Variants in NCOA7 observed in about 807,000 individuals in gnomAD.
NCOA7 encodes 140 kDa estrogen receptor-associated protein.
NCOA7 carries 45 observed loss-of-function variants against 104.3 expected under a neutral mutation model. The observed-to-expected ratio is 0.43, with a 90% CI of 0.34 to 0.55. NCOA7 has a LOEUF of 0.55. Ranked by LOEUF, NCOA7 falls within the 20% of genes least tolerant of loss-of-function variation. The pLI, the probability that NCOA7 is intolerant of heterozygous loss-of-function variation, is 0.02. For synonymous variants in NCOA7, 398 were observed against 402.3 expected (o/e 0.99, Z 0.13); for missense variants, 1,041 against 1,119.7 (o/e 0.93, Z 1.00).
At position 125,889,393 on chromosome 6, in the gene NCOA7, C is replaced by A; in HGVS notation, c.1339C>A (p.Arg447=). Residue 447 remains arginine, a synonymous_variant, in exon 9 of 16, where the codon CGA becomes AGA. Transcript: ENST00000392477. ...GTGCCTTTCTCTTGACCCAGAGGAACGAAAGAAAGCTGAGTCACAAATAAA... is the reference window on the plus strand; with the variant it reads ...GTGCCTTTCTCTTGACCCAGAGGAAAGAAAGAAAGCTGAGTCACAAATAAA... ...KECLSLDPEE[R]KKAESQINNS... 1 of 1,613,644 alleles carries A rather than the reference C, an allele frequency of 6.2e-7. No homozygotes were observed. Among genetic ancestry groups the A allele is most frequent in the African/African-American group, 1.3e-5 (1 of 74,930 alleles).
intron 10 of NCOA7, among the ~76,000 whole-genome samples, chr6:125,902,123 G>A (rs970456587): frequency 3.9e-5 from 6 of 152,062 alleles, no homozygotes; most frequent in Non-Finnish European, 5.9e-5. Flanking sequence ...GGGGAAAAAC[G>A]GGGATGTGAA....
intron 2 of NCOA7, among the ~76,000 whole-genome samples, chr6:125,840,867 G>GTT (rs1305583308): frequency 5.9e-5 from 3 of 50,678 alleles, no homozygotes; most frequent in East Asian, 5.5e-4. Flanking sequence ...TTGTTTGGTT[G>GTT]GTTTTTTTTT....
At chr6:125,847,642 C>A (rs1367404462) in intron 2 of NCOA7, among the ~76,000 whole-genome samples, 5 of 152,108 alleles carry the variant, frequency 3.3e-5, no homozygotes, top group Non-Finnish European at 5.9e-5. Flanking sequence ...ACACCTTATA[C>A]AAAAATTAAT....
In NCOA7 at chr6:125,870,316, C is replaced by T. The variant is rs1782786401; in HGVS notation, c.272-4573C>T. On this transcript the variant is annotated intron_variant, in intron 3 of 15. Coordinates refer to ENST00000392477, the MANE Select transcript of NCOA7 (RefSeq NM_181782.5). ...TGTTGACAGCATCTGTCTTGAGCTC[C>T]CTTTACTTTCAAAACCTCTCTGTGA... 3.3e-5 allele frequency among the ~76,000 whole-genome samples: 5 copies of T among 152,156 alleles called. No individual in the cohort carries two copies. The South Asian group carries it at 1.0e-3, about 32-fold the overall frequency.
At chr6:125,855,490 C>G (rs1213217743) in intron 3 of NCOA7, 1 of 318,486 alleles carries the variant, frequency 3.1e-6, no homozygotes, top group Non-Finnish European at 5.8e-6. Flanking sequence ...AAACGTTTAT[C>G]TAATGAAGAG....
intron 10 of NCOA7, among the ~76,000 whole-genome samples, chr6:125,907,994 T>G (rs1348693318): frequency 1.3e-5 from 2 of 152,280 alleles, no homozygotes; most frequent in Admixed American, 6.5e-5. Flanking sequence ...CTTCCTCCAG[T>G]GGTAAGTCCC....
At chr6:125,905,990 A>G (rs1014861370) in intron 10 of NCOA7, among the ~76,000 whole-genome samples, 1 of 151,986 alleles carries the variant, frequency 6.6e-6, no homozygotes, top group African/African-American at 2.4e-5. Context: ...TTTAGTAGAG[A>G]TGGGGTTTCA....
chr6:125,880,384 G>A (rs1296570087), intron 5 of NCOA7, among the ~76,000 whole-genome samples: 1 of 151,926 alleles, frequency 6.6e-6, no homozygotes, highest in Non-Finnish European at 1.5e-5. Context: ...CCACCTTGGA[G>A]GGCTCTTCCC....
At chr6:125,904,157 T>A (rs1284032723) in intron 10 of NCOA7, among the ~76,000 whole-genome samples, 1 of 152,174 alleles carries the variant, frequency 6.6e-6, no homozygotes, top group Non-Finnish European at 1.5e-5. Context: ...ACCCACCTGC[T>A]CTGTCTTCTT....
chr6:125,921,017 G>A lies in NCOA7; in HGVS notation c.2319G>A (p.Leu773=), dbSNP rs191971478. ...SYYEDEDEEV[L]PVLRPHSALL... is the part of the protein sequence containing the mutation. Reference sequence around the variant, plus strand: ...ATGAAGACGAGGACGAAGAGGTGCTGCCTGTCCTACGGCCCCACAGCGCGC... The same window carrying A: ...ATGAAGACGAGGACGAAGAGGTGCTACCTGTCCTACGGCCCCACAGCGCGC... The change falls in exon 12 of 16, where the codon CTG becomes CTA. Residue 773 remains leucine (L), a synonymous_variant. Transcript: ENST00000392477. 76 of 1,613,882 alleles carry A rather than the reference G, an allele frequency of 4.7e-5. 1 individual carries two copies. The African/African-American group carries it at 8.4e-4, about 18-fold the overall frequency.
rs1785812541 is a variant in NCOA7 at position 125,904,705 on chromosome 6, G to A, written c.2097-10628G>A. Among the ~76,000 whole-genome samples, 3 of 152,180 alleles carry A rather than the reference G, an allele frequency of 2.0e-5. No individual in the cohort carries two copies. The South Asian group carries it at 6.2e-4, about 31-fold the overall frequency. On this transcript the variant is annotated intron_variant, in intron 10 of 15. Transcript: ENST00000392477. ...ATAGTGTGAGCACAGAGCCAGAATG[G>A]ACACTGGCTGCATTTTGGAGACTGG...
chr6:125,855,817 G>A (rs150645298), intron 3 of NCOA7, among the ~76,000 whole-genome samples: 1,605 of 152,080 alleles, frequency 0.011, 20 homozygotes, highest in Non-Finnish European at 0.018. Flanking sequence ...CCAAGTAGCT[G>A]GGATTACAGG....
rs1787674016 is a variant in NCOA7 at position 125,922,563 on chromosome 6, G to A, written c.2371-119G>A. The stretch of plus-strand genomic sequence containing the variant: ...TAGCAAATATTTGCCAGAATAAGGA[G>A]GGGCACTATGTGAGTGTATGATACT... On this transcript the variant is annotated intron_variant, in intron 12 of 15. Coordinates refer to ENST00000392477, the MANE Select transcript of NCOA7 (RefSeq NM_181782.5). The A allele has an allele frequency of 4.3e-5, 49 of 1,140,736 alleles. No homozygotes were observed. In the South Asian group the frequency reaches 7.1e-4, roughly 17 times the overall value. The allele number at this position is 1,140,736 out of a possible 1,614,324, so 70.7% of individuals were successfully genotyped here. A position where few individuals can be genotyped will look rare whatever the true frequency, so the allele number is the denominator to read the frequency against.
intron 10 of NCOA7, among the ~76,000 whole-genome samples, chr6:125,897,157 C>T (rs1306947878): frequency 6.6e-6 from 1 of 152,162 alleles, no homozygotes; most frequent in African/African-American, 2.4e-5. Context: ...ATCTATGTTG[C>T]GTGTATATAC....
At chr6:125,790,830 C>G (rs1236927954), upstream of NCOA7, 1 of 152,240 alleles carries the variant, frequency 6.6e-6, no homozygotes. Flanking sequence ...CCTAAGACAC[C>G]CCGACTGCGG....
intron 12 of NCOA7, among the ~76,000 whole-genome samples, chr6:125,921,273 G>C (rs1044737793): frequency 2.6e-5 from 4 of 152,190 alleles, no homozygotes; most frequent in Non-Finnish European, 4.4e-5. Flanking sequence ...GGCCGGGCGT[G>C]ATGGCACATG....
At chr6:125,784,069 A>G (rs1430140066) in intron 1 of NCOA7, among the ~76,000 whole-genome samples, 2 of 152,246 alleles carry the variant, frequency 1.3e-5, no homozygotes, top group African/African-American at 4.8e-5. Flanking sequence ...CAAGTGATTC[A>G]TCTTATAGAG....
chr6:125,793,310 C>A (rs1775019447), intron 1 of NCOA7, among the ~76,000 whole-genome samples: 1 of 152,140 alleles, frequency 6.6e-6, no homozygotes, highest in Admixed American at 6.5e-5. Context: ...CAAAAAAGCC[C>A]TCCCCTTTGG....
At chr6:125,833,082 C>T (rs1293534053) in intron 2 of NCOA7, among the ~76,000 whole-genome samples, 1 of 152,236 alleles carries the variant, frequency 6.6e-6, no homozygotes, top group East Asian at 1.9e-4. Flanking sequence ...AATAAAACTT[C>T]TGCTCCAGTT....
Sources: gnomAD v4.1 joint callset for allele counts (sites outside exome capture counted in the v4.1 genomes callset) on GRCh38, gnomAD v4.1.1 for gene constraint, MANE v1.5 for transcripts, NCBI Gene and HGNC (gene_info 2026-07-23, HGNC 2026-07-21) for gene names.